Variants in FLNC observed in about 807,000 individuals in gnomAD.
The protein encoded by FLNC is filamin-C.
A neutral mutation model predicts 254.3 loss-of-function variants in FLNC; 91 were observed. The observed-to-expected ratio is 0.36, with a 90% CI of 0.30 to 0.43. The LOEUF is 0.43. FLNC is among the 20% of genes least tolerant of loss of function. The pLI is 1.00. For synonymous variants in FLNC, 1,430 were observed against 1,577.2 expected, an observed-to-expected ratio of 0.91 and a Z score of 2.21; for missense variants, 2,853 against 3,802.6, an observed-to-expected ratio of 0.75 and a Z score of 6.57.
In FLNC at chr7:128,842,247, C is replaced by G; in HGVS notation, c.2138C>G (p.Pro713Arg). 1 of 1,613,704 alleles carries G rather than the reference C, an allele frequency of 6.2e-7. No individual in the cohort carries two copies. The highest frequency in any genetic ancestry group is 8.5e-7 in the Non-Finnish European group (1 of 1,180,002). Residue 713 changes from proline (P) to arginine (R), a missense_variant, in exon 14 of 48, where the codon CCC becomes CGC. Around this residue, in one of 10 missense-constraint regions of FLNC, gnomAD observed 1,573 missense variants for 1,883.5 expected, o/e 0.84. Coordinates refer to ENST00000325888, the MANE Select transcript of FLNC (RefSeq NM_001458.5). This position sits in a 1 kb window ranked among gnomAD's most constrained non-coding sequence, Gnocchi z 5.4. ...KLYAQDADGC[P>R]IDIKVIPNGD... The stretch of plus-strand genomic sequence containing the variant: ...TGCCCACAGGACGCCGACGGCTGTC[C>G]CATCGACATCAAGGTGATCCCCAAC...
chr7:128,842,878 A>G lies in FLNC; in HGVS notation c.2474A>G (p.Asp825Gly), dbSNP rs559621589. The G allele has an allele frequency of 1.2e-6, 2 of 1,614,002 alleles. No individual in the cohort carries two copies. Among genetic ancestry groups the G allele is most frequent in the East Asian group, 2.2e-5 (1 of 44,868 alleles). ...ATTGACTTCGACATCATCAAGAATG[A>G]CAACGACACCTTCACCGTCAAGTAC... ...ADIDFDIIKN[D>G]NDTFTVKYTP... is the part of the protein sequence containing the mutation. The change falls in exon 16 of 48, where the codon GAC (aspartate) becomes GGC (glycine). Residue 825 changes from aspartate (D) to glycine (G), a missense_variant. Around this residue, in one of 10 missense-constraint regions of FLNC, gnomAD observed 1,573 missense variants for 1,883.5 expected, o/e 0.84. Coordinates refer to ENST00000325888, the MANE Select transcript of FLNC (RefSeq NM_001458.5). This position sits in a 1 kb window ranked among gnomAD's most constrained non-coding sequence, Gnocchi z 5.4.
In FLNC at chr7:128,847,727, TG is replaced by T; in HGVS notation, c.4321del (p.Val1441TrpfsTer6). Reference protein sequence around the residue: ...GSPFRVPVKDVVDPGKVKCSG... With the variant: ...GSPFRVPVKDXVDPGKVKCSG... ...CCGTTCCGCGTGCCAGTGAAGGATGTGGTGGACCCTGGGAAGGTGAAGTGCT... is the reference window on the plus strand; with the variant it reads ...CCGTTCCGCGTGCCAGTGAAGGATGTGTGGACCCTGGGAAGGTGAAGTGCT... On this transcript the variant is annotated frameshift_variant, in exon 25 of 48. Coordinates refer to ENST00000325888, the MANE Select transcript of FLNC (RefSeq NM_001458.5). LOFTEE classifies it high-confidence loss of function. 1 of 1,614,124 alleles carries T rather than the reference TG, an allele frequency of 6.2e-7. No homozygotes were observed. Among genetic ancestry groups the T allele is most frequent in the Non-Finnish European group, 8.5e-7 (1 of 1,179,988 alleles).
chr7:128,833,122 A>C (rs1192272105), intron 1 of FLNC, among the ~76,000 whole-genome samples: 5 of 152,180 alleles, frequency 3.3e-5, no homozygotes, highest in Non-Finnish European at 7.4e-5. Flanking sequence ...TGTGCCCTTC[A>C]TATCCTCACC....
At chr7:128,839,383 T>G (rs750493276) in intron 8 of FLNC, among the ~76,000 whole-genome samples, 63 of 152,206 alleles carry the variant, frequency 4.1e-4, no homozygotes, top group Non-Finnish European at 8.4e-4. Flanking sequence ...TGTTCCGTGG[T>G]ACCCCTTGGG....
chr7:128,840,156 G>T lies in FLNC; in HGVS notation c.1545G>T (p.Gly515=). 2 of 1,613,796 alleles carry T rather than the reference G, an allele frequency of 1.2e-6. No homozygotes were observed. Among genetic ancestry groups the T allele is most frequent in the Non-Finnish European group, 1.7e-6 (2 of 1,180,024 alleles). The change falls in exon 9 of 48, where the codon GGG becomes GGT. Residue 515 remains glycine (G), a synonymous_variant. Transcript: ENST00000325888. ...GGGAGCTCAAGGTCACGGTCAAGGGGCCAAGTGAGTGCCAGAGCCCAGGGT... is the reference window on the plus strand; with the variant it reads ...GGGAGCTCAAGGTCACGGTCAAGGGTCCAAGTGAGTGCCAGAGCCCAGGGT... ...GSGELKVTVK[G]PKGTEEPVKV... is the part of the protein sequence containing the mutation.
In FLNC at chr7:128,854,219, G is replaced by A. The variant is rs771664894; in HGVS notation, c.6727+3G>A. The A allele has an allele frequency of 2.5e-6, 4 of 1,606,788 alleles. No individual in the cohort carries two copies. The East Asian group carries it at 6.7e-5, about 27-fold the overall frequency. On this transcript the variant is annotated splice_donor_region_variant and intron_variant, in intron 40 of 47. Coordinates refer to ENST00000325888, the MANE Select transcript of FLNC (RefSeq NM_001458.5). ...CAGCATCACCCGGCAGCAGGAGGGT[G>A]AGCACCGCACACTGGGCCGGCCGGG...
chr7:128,839,937 G>T (rs2128934815), intron 8 of FLNC, 86 bp from the exon 9 acceptor site: 1 of 1,541,254 alleles, frequency 6.5e-7, no homozygotes, highest in East Asian at 2.3e-5. Flanking sequence ...GCCTGGGAGG[G>T]GTTAGAAGGA....
chr7:128,848,738 C>T, intron 27 of FLNC, 21 bp downstream of exon 27: 1 of 1,614,014 alleles, frequency 6.2e-7, no homozygotes, highest in South Asian at 1.1e-5. Flanking sequence ...GTGCATCCCA[C>T]CCCGCAGGTC....
At chr7:128,832,037 G>A (rs976094577) in intron 1 of FLNC, among the ~76,000 whole-genome samples, 17 of 152,152 alleles carry the variant, frequency 1.1e-4, no homozygotes, top group South Asian at 2.1e-4. Context: ...GTTTCATGTG[G>A]GGCCAGGTGG....
chr7:128,833,220 C>A (rs1562990034), intron 1 of FLNC, among the ~76,000 whole-genome samples: 1 of 150,604 alleles, frequency 6.6e-6, no homozygotes, highest in African/African-American at 2.4e-5. Flanking sequence ...TCCCCAGTTG[C>A]TATTCCTTCT....
Position 128,856,685 on chromosome 7 carries a change from G to T in FLNC, c.7384+35G>T. The T allele has an allele frequency of 6.2e-7, 1 of 1,613,832 alleles. No individual in the cohort carries two copies. The highest frequency in any genetic ancestry group is 8.5e-7 in the Non-Finnish European group (1 of 1,180,024). ...CCCTGCCCCTGCCAACTCCCTTCCG[G>T]GCTGGGGCCTTCTGGGGAGGGGAAG... On this transcript the variant is annotated intron_variant, in intron 44 of 47. Transcript: ENST00000325888. This position sits in a 1 kb window ranked among gnomAD's most constrained non-coding sequence, Gnocchi z 5.9.
At position 128,856,975 on chromosome 7, in the gene FLNC, G is replaced by T; in HGVS notation, c.7561+54G>T. ...GACTTCTGGGGGTGCTTGGCCACTA[G>T]TCTGGTGCTGCTTTGCTCCAGAGGT... On this transcript the variant is annotated intron_variant, in intron 45 of 47. Coordinates refer to ENST00000325888, the MANE Select transcript of FLNC (RefSeq NM_001458.5). The surrounding 1 kb of genome is among the most constrained non-coding windows in gnomAD (Gnocchi z 5.9). The T allele has an allele frequency of 6.3e-7, 1 of 1,596,570 alleles. No individual in the cohort carries two copies. The highest frequency in any genetic ancestry group is 8.6e-7 in the Non-Finnish European group (1 of 1,165,818).
In FLNC at chr7:128,844,030, T is replaced by G; in HGVS notation, c.2956T>G (p.Phe986Val). 1 of 1,614,078 alleles carries G rather than the reference T, an allele frequency of 6.2e-7. No homozygotes were observed. Among genetic ancestry groups the G allele is most frequent in the Non-Finnish European group, 8.5e-7 (1 of 1,180,032 alleles). ...GGTGGCTGTGGGACAGGAACAAGCA[T>G]TCTCTGTGAACACACGAGGGGCTGG... Reference protein sequence around the residue: ...SKVAVGQEQAFSVNTRGAGGQ... With the variant: ...SKVAVGQEQAVSVNTRGAGGQ... The change falls in exon 20 of 48, where the codon TTC becomes GTC. Residue 986 changes from phenylalanine to valine, a missense_variant. Physicochemically the swap from Phe to Val is conservative, Grantham distance 50. Coordinates refer to ENST00000325888, the MANE Select transcript of FLNC (RefSeq NM_001458.5).
chr7:128,853,858 G>A, intron 39 of FLNC, 21 bp downstream of exon 39: 1 of 1,613,274 alleles, frequency 6.2e-7, no homozygotes, highest in East Asian at 2.2e-5. Flanking sequence ...GGAGGACCCT[G>A]GGTGGGGCGG....
rs748121513 is a variant in FLNC, at chr7:128,842,240, G to A, written c.2131G>A (p.Gly711Ser). 1.1e-5 allele frequency: 18 copies of A among 1,613,622 alleles called. No individual in the cohort carries two copies. The East Asian group carries it at 1.6e-4, about 14-fold the overall frequency. ...DLKLYAQDAD[G>S]CPIDIKVIPN... is the part of the protein sequence containing the mutation. Reference sequence around the variant, plus strand: ...TGGGTGATGCCCACAGGACGCCGACGGCTGTCCCATCGACATCAAGGTGAT... The same window carrying A: ...TGGGTGATGCCCACAGGACGCCGACAGCTGTCCCATCGACATCAAGGTGAT... The change falls in exon 14 of 48, where the codon GGC (glycine) becomes AGC (serine). Residue 711 changes from glycine (G) to serine (S), a missense_variant. Gly to Ser is a moderately conservative substitution (Grantham distance 56). This residue lies in a region of FLNC where 1,573 missense variants were observed against 1,883.5 expected (regional missense o/e 0.84). Coordinates refer to ENST00000325888, the MANE Select transcript of FLNC (RefSeq NM_001458.5). This position sits in a 1 kb window ranked among gnomAD's most constrained non-coding sequence, Gnocchi z 5.4.
Position 128,857,042 on chromosome 7 carries a change from T to G in FLNC, c.7562-76T>G, listed in dbSNP as rs1015005947. 3 of 1,571,402 alleles carry G rather than the reference T, an allele frequency of 1.9e-6. No homozygotes were observed. The highest frequency in any genetic ancestry group is 2.6e-6 in the Non-Finnish European group (3 of 1,142,848). ...AAGCCAGGAGTCCCCACAGAGGCTG[T>G]CCAGGGAGCTGGGGCCCAGTCCCTC... On this transcript the variant is annotated intron_variant, in intron 45 of 47. Coordinates refer to ENST00000325888, the MANE Select transcript of FLNC (RefSeq NM_001458.5). The surrounding 1 kb of genome is among the most constrained non-coding windows in gnomAD (Gnocchi z 4.5).
intron 1 of FLNC, 69 bp downstream of exon 1, chr7:128,831,058 G>A: frequency 1.4e-6 from 2 of 1,454,114 alleles, no homozygotes; most frequent in Non-Finnish European, 1.9e-6. Flanking sequence ...GGGCACAGGT[G>A]CGGGGTGGGC....
chr7:128,848,097 G>C (rs1372011899), intron 26 of FLNC, 29 bp downstream of exon 26: 2 of 1,585,320 alleles, frequency 1.3e-6, no homozygotes, highest in South Asian at 2.3e-5. Context: ...CTCCTGTGCT[G>C]CGGCTGAGCT....
At chr7:128,843,036 G>A in intron 16 of FLNC, 82 bp downstream of exon 16, 2 of 1,543,754 alleles carry the variant, frequency 1.3e-6, no homozygotes, top group Non-Finnish European at 1.8e-6. Flanking sequence ...CTGGGAACAG[G>A]GAGGGATGAT....
Sources: allele counts gnomAD v4.1 joint callset (sites outside exome capture counted in the v4.1 genomes callset), GRCh38; gene constraint gnomAD v4.1.1; regional missense constraint gnomAD v4.1.1; non-coding constraint Gnocchi (gnomAD v3.1); transcripts MANE v1.5; gene names NCBI Gene and HGNC (gene_info 2026-07-23, HGNC 2026-07-21).